SEMA3D: variants seen among roughly 807,000 people sequenced by gnomAD.
SEMA3D encodes the protein semaphorin-3D.
A neutral mutation model predicts 100.1 loss-of-function variants in SEMA3D; 84 were observed. The observed-to-expected ratio is 0.84, with a 90% CI of 0.70 to 1.01. SEMA3D has a LOEUF of 1.01. Among genes scored for constraint, SEMA3D ranks in the 50% least tolerant of loss-of-function variants. The pLI is 0.00. For missense variants in SEMA3D, 875 were observed against 934.1 expected (o/e 0.94, Z 0.82); for synonymous variants, 312 against 320.7 (o/e 0.97, Z 0.29).
chr7:85,188,441 A>C (rs2116598882), upstream of SEMA3D, among the ~76,000 whole-genome samples: 1 of 152,294 alleles, frequency 6.6e-6, no homozygotes, highest in Non-Finnish European at 1.5e-5. Flanking sequence ...AATGCTTTAT[A>C]TTTAATGTTA....
At chr7:85,050,641 T>G (rs140331279) in intron 9 of SEMA3D, 6 of 429,110 alleles carry the variant, frequency 1.4e-5, no homozygotes, top group African/African-American at 8.2e-5. Flanking sequence ...TGATATCTCT[T>G]GACCAAAATT....
At chr7:85,119,840 G>C (rs1789356853) in intron 3 of SEMA3D, among the ~76,000 whole-genome samples, 1 of 151,962 alleles carries the variant, frequency 6.6e-6, no homozygotes, top group Non-Finnish European at 1.5e-5. Flanking sequence ...ATTCTGGGTG[G>C]GCAGAACTGC....
intron 2 of SEMA3D, among the ~76,000 whole-genome samples, chr7:85,143,579 T>C (rs558109629): frequency 1.3e-5 from 2 of 152,268 alleles, no homozygotes; most frequent in East Asian, 3.9e-4. Flanking sequence ...TAAAATATTA[T>C]AATCTTAGGG....
chr7:85,184,667 T>C (rs1026366880), intron 1 of SEMA3D, among the ~76,000 whole-genome samples: 17 of 152,214 alleles, frequency 1.1e-4, no homozygotes, highest in South Asian at 4.1e-4. Context: ...GCAAATTCCA[T>C]TGGAAATTTT....
rs774447145 is a variant in SEMA3D at position 84,999,491 on chromosome 7, AT to A, written c.2282del (p.Asn761IlefsTer15). On this transcript the variant is annotated frameshift_variant, in exon 19 of 19. Transcript: ENST00000284136. LOFTEE classifies it high-confidence loss of function. ...CATCCAGGTCTCTGTGATGTCTTCG[AT>A]TTCGTTTCTTCTTCATTTCCTGCAT... is the stretch of plus-strand genomic sequence containing the variant. ...KHMQEMKKKRNRRHHRDLDEL... is the reference protein window; with the variant it reads ...KHMQEMKKKRXRRHHRDLDEL... The A allele has an allele frequency of 3.7e-6, 6 of 1,613,748 alleles. No individual in the cohort carries two copies. Among genetic ancestry groups the A allele is most frequent in the Non-Finnish European group, 5.1e-6 (6 of 1,179,970 alleles).
intron 1 of SEMA3D, among the ~76,000 whole-genome samples, chr7:85,175,775 T>G (rs963256140): frequency 1.3e-5 from 2 of 151,978 alleles, no homozygotes; most frequent in Admixed American, 1.3e-4. Context: ...AAGAAACATA[T>G]AACAATGAAT....
chr7:85,061,997 G>A (rs879584236), intron 8 of SEMA3D, among the ~76,000 whole-genome samples: 6 of 152,154 alleles, frequency 3.9e-5, no homozygotes, highest in Non-Finnish European at 5.9e-5. Flanking sequence ...TACATGGCAT[G>A]TCCATATGTC....
chr7:85,073,806 C>A (rs1419979322), intron 5 of SEMA3D, among the ~76,000 whole-genome samples: 1 of 152,094 alleles, frequency 6.6e-6, no homozygotes, highest in African/African-American at 2.4e-5. Flanking sequence ...TGATAATTTC[C>A]ATAATCTCTG....
chr7:85,160,860 G>T (rs929370658), intron 1 of SEMA3D, among the ~76,000 whole-genome samples: 1 of 152,070 alleles, frequency 6.6e-6, no homozygotes, highest in African/African-American at 2.4e-5. Context: ...AAAACTCTGG[G>T]GGAAGAAAGT....
intron 9 of SEMA3D, among the ~76,000 whole-genome samples, chr7:85,051,991 G>A (rs1217487350): frequency 6.6e-6 from 1 of 151,890 alleles, no homozygotes; most frequent in Admixed American, 6.6e-5. Flanking sequence ...GGATAGTGCA[G>A]GTGTAGAATA....
chr7:85,200,380 C>G, the SEMA3D span, among the ~76,000 whole-genome samples: 1 of 152,126 alleles, frequency 6.6e-6, no homozygotes, highest in Admixed American at 6.5e-5. Context: ...AGATGAGCAA[C>G]TTGTTGGAAC....
chr7:85,218,768 TTTTA>T, the SEMA3D span, among the ~76,000 whole-genome samples: 1 of 152,138 alleles, frequency 6.6e-6, no homozygotes, highest in Non-Finnish European at 1.5e-5. Context: ...TGTCTTAGAA[TTTTA>T]TTTGTCATCT....
chr7:85,006,884 G>A lies in SEMA3D; in HGVS notation c.1826C>T (p.Thr609Ile). Residue 609 changes from threonine (T) to isoleucine (I), a missense_variant, in exon 18 of 19, where the codon ACC becomes ATC. Physicochemically the swap from Thr to Ile is moderately conservative, Grantham distance 89. Transcript: ENST00000284136. ...GGATTTAGGTATACATTCCAGAAAG[G>A]TTGAGTTAAATTCAATGCCAAAAAT... The part of the protein sequence containing the change: ...KVIFGIEFNS[T>I]FLECIPKSQQ... 1 of 1,610,644 alleles carries A rather than the reference G, an allele frequency of 6.2e-7. No homozygotes were observed. Among genetic ancestry groups the A allele is most frequent in the Non-Finnish European group, 8.5e-7 (1 of 1,177,772 alleles).
At chr7:85,125,366 G>T (rs951368967) in intron 2 of SEMA3D, among the ~76,000 whole-genome samples, 6 of 152,104 alleles carry the variant, frequency 3.9e-5, no homozygotes, top group South Asian at 2.1e-4. Context: ...GTCATTAATC[G>T]CTAAGACATG....
intron 3 of SEMA3D, among the ~76,000 whole-genome samples, chr7:85,107,067 CCT>C (rs992198852): frequency 2.0e-5 from 3 of 151,834 alleles, no homozygotes; most frequent in African/African-American, 7.3e-5. Flanking sequence ...CAAATCACAC[CCT>C]CTCTCGGTAT....
intron 1 of SEMA3D, among the ~76,000 whole-genome samples, chr7:85,186,174 A>G (rs1046872895): frequency 2.0e-5 from 3 of 152,142 alleles, no homozygotes; most frequent in Non-Finnish European, 2.9e-5. Context: ...CAACAAGGAA[A>G]GGAGCGAGCG....
chr7:85,163,383 G>A (rs1475266307), intron 1 of SEMA3D, among the ~76,000 whole-genome samples: 6 of 151,808 alleles, frequency 4.0e-5, no homozygotes, highest in Admixed American at 3.9e-4. Flanking sequence ...TGTCACCAGA[G>A]TGAACAGTAA....
intron 15 of SEMA3D, among the ~76,000 whole-genome samples, chr7:85,017,344 A>C (rs770637997): frequency 1.3e-5 from 2 of 151,752 alleles, no homozygotes; most frequent in Non-Finnish European, 2.9e-5. Context: ...ACACTCAGCT[A>C]TACTGTGAGC....
chr7:85,116,349 T>C (rs1789244525), intron 3 of SEMA3D, among the ~76,000 whole-genome samples: 1 of 146,604 alleles, frequency 6.8e-6, no homozygotes, highest in Non-Finnish European at 1.5e-5. Flanking sequence ...TATGTATATT[T>C]ATATATTATA....
Sources: gnomAD v4.1 joint callset for allele counts (sites outside exome capture counted in the v4.1 genomes callset) on GRCh38, gnomAD v4.1.1 for gene constraint, MANE v1.5 for transcripts, NCBI Gene and HGNC (gene_info 2026-07-23, HGNC 2026-07-21) for gene names.